WDR74: variants seen among roughly 807,000 people sequenced by gnomAD.
WDR74 encodes WD repeat-containing protein 74.
In WDR74, 31 loss-of-function variants were observed where a neutral mutation model predicts 45.6. That is an observed-to-expected ratio of 0.68 (90% CI 0.51 to 0.92). WDR74 has a LOEUF of 0.92. Among genes scored for constraint, WDR74 ranks in the 40% least tolerant of loss-of-function variants. The pLI, the probability that WDR74 is intolerant of heterozygous loss-of-function variation, is 0.00. For synonymous variants in WDR74, 191 were observed against 192.4 expected, an observed-to-expected ratio of 0.99 and a Z score of 0.06; for missense variants, 455 against 497.2, an observed-to-expected ratio of 0.92 and a Z score of 0.81.
upstream of WDR74, chr11:62,841,583 A>C (rs186444742): frequency 2.6e-5 from 4 of 152,188 alleles, no homozygotes; most frequent in East Asian, 3.9e-4. Context: ...ACTGATCGAA[A>C]TCTTCCATTA....
At position 62,839,461 on chromosome 11, in the gene WDR74, CG is replaced by C. The variant is rs1328116125; in HGVS notation, c.65-34del. The stretch of plus-strand genomic sequence containing the variant: ...ACGAAGGCGTCAGTCACGCCAGGGG[CG>C]CGAGTGCACCCCTGCACTTCCCGAC... On this transcript the variant is annotated intron_variant, in intron 1 of 10. Coordinates refer to ENST00000278856, the MANE Select transcript of WDR74 (RefSeq NM_001369450.1). 3.7e-6 allele frequency: 6 copies of C among 1,613,314 alleles called. No individual in the cohort carries two copies. The African/African-American group carries it at 8.0e-5, about 22-fold the overall frequency.
upstream of WDR74, chr11:62,841,676 G>T (rs557339235): frequency 3.3e-5 from 5 of 152,068 alleles, no homozygotes; most frequent in Non-Finnish European, 7.4e-5. Context: ...GGAGTGGACG[G>T]AGCAAGCTCC....
chr11:62,839,611 C>T (rs1461034008), upstream of WDR74: 1 of 1,565,042 alleles, frequency 6.4e-7, no homozygotes, highest in East Asian at 2.3e-5. Flanking sequence ...TCCGGCGCAG[C>T]GTGTGCGTCA....
chr11:62,841,705 C>A (rs1053375034), upstream of WDR74: 1 of 152,276 alleles, frequency 6.6e-6, no homozygotes, highest in Non-Finnish European at 1.5e-5. Context: ...CTCCTATTTC[C>A]AAAAATCCAT....
chr11:62,841,274 GCCATTGCAC>G (rs1460193866), upstream of WDR74, among the ~76,000 whole-genome samples: 21 of 152,248 alleles, frequency 1.4e-4, no homozygotes, highest in African/African-American at 4.8e-4. Flanking sequence ...CTGAGATCAT[GCCATTGCAC>G]TCTAGCCTGG....
At chr11:62,834,590 G>T in intron 6 of WDR74, 63 bp from the exon 7 acceptor site, 2 of 1,419,780 alleles carry the variant, frequency 1.4e-6, no homozygotes, top group Middle Eastern at 1.8e-4. Flanking sequence ...TGGCGTCTCT[G>T]CATCCTCACC....
intron 3 of WDR74, among the ~76,000 whole-genome samples, chr11:62,837,528 A>C (rs1228056246): frequency 1.3e-5 from 2 of 151,354 alleles, no homozygotes; most frequent in East Asian, 1.9e-4. Context: ...AAAAAAAAAA[A>C]CGCTTCCTTG....
intron 7 of WDR74, 38 bp downstream of exon 7, chr11:62,834,389 A>AG: frequency 1.3e-6 from 2 of 1,592,116 alleles, no homozygotes; most frequent in Non-Finnish European, 8.6e-7. Flanking sequence ...GCCCTTCTCA[A>AG]GCCCCACCCT....
chr11:62,840,256 G>A (rs1354525546), upstream of WDR74: 2 of 152,402 alleles, frequency 1.3e-5, no homozygotes, highest in Non-Finnish European at 2.9e-5. Flanking sequence ...GAGGCGGGCG[G>A]ATCATGAGGT....
At chr11:62,841,707 A>G (rs967044492), upstream of WDR74, 4 of 152,246 alleles carry the variant, frequency 2.6e-5, no homozygotes, top group Non-Finnish European at 1.5e-5. Context: ...CCTATTTCCA[A>G]AAATCCATTT....
chr11:62,839,739 TA>T, upstream of WDR74: 1 of 801,570 alleles, frequency 1.2e-6, no homozygotes, highest in African/African-American at 1.7e-5. Flanking sequence ...GGTGCTTGTT[TA>T]TGTAGATCGG....
intron 10 of WDR74, among the ~76,000 whole-genome samples, 167 bp from the exon 11 acceptor site, chr11:62,833,298 A>T (rs2084902814): frequency 1.6e-5 from 2 of 127,884 alleles, no homozygotes; most frequent in African/African-American, 3.4e-5. Context: ...AAGAAGTTTA[A>T]AAAAAAAAAA....
At chr11:62,835,596 C>T (rs762821249) in intron 5 of WDR74, 64 bp from the exon 6 acceptor site, 1 of 1,613,136 alleles carries the variant, frequency 6.2e-7, no homozygotes, top group South Asian at 1.1e-5. Context: ...GTTTTCAGCC[C>T]TCCTTCGCCC....
intron 10 of WDR74, 68 bp downstream of exon 10, chr11:62,833,550 T>C: frequency 6.5e-7 from 1 of 1,529,566 alleles, no homozygotes; most frequent in South Asian, 1.2e-5. Flanking sequence ...CTGCCTCCTT[T>C]TCCTCTCCAT....
At chr11:62,838,659 G>A (rs2084995099) in intron 3 of WDR74, among the ~76,000 whole-genome samples, 1 of 151,748 alleles carries the variant, frequency 6.6e-6, no homozygotes, top group Admixed American at 6.6e-5. Flanking sequence ...TTGGGAGGCT[G>A]AGGCAGGAGT....
upstream of WDR74, chr11:62,839,807 T>G (rs2085021410): frequency 1.7e-6 from 1 of 579,360 alleles, no homozygotes. Flanking sequence ...CTGGACTGCG[T>G]GGCCGGATCA....
intron 10 of WDR74, 94 bp downstream of exon 10, chr11:62,833,524 C>T (rs1243767773): frequency 2.8e-6 from 4 of 1,431,910 alleles, no homozygotes; most frequent in East Asian, 5.0e-5. Context: ...CAGATAGTCC[C>T]AAGTCTGCAT....
At chr11:62,835,627 A>T in intron 5 of WDR74, 68 bp downstream of exon 5, 1 of 1,613,560 alleles carries the variant, frequency 6.2e-7, no homozygotes, top group Non-Finnish European at 8.5e-7. Context: ...TCTAGTCTCT[A>T]ATGCATCGTC....
At position 62,839,566 on chromosome 11, in the gene WDR74, G is replaced by T. The variant is rs545160528; in HGVS notation, c.5C>A (p.Ala2Glu). The T allele has an allele frequency of 8.1e-6, 13 of 1,609,566 alleles. No individual in the cohort carries two copies. In the East Asian group the frequency reaches 2.5e-4, roughly 30 times the overall value. Residue 2 changes from alanine to glutamate, a missense_variant, in exon 1 of 11, where the codon GCG (alanine) becomes GAG (glutamate). Physicochemically the swap from Ala to Glu is moderately radical, Grantham distance 107. Transcript: ENST00000278856. Reference sequence around the variant, plus strand: ...ATGGTTCCAGCGTGCAGCAGCAGCCGCCATGACAAAGCCTGGAGGCAGACA... The same window carrying T: ...ATGGTTCCAGCGTGCAGCAGCAGCCTCCATGACAAAGCCTGGAGGCAGACA... M[A>E]AAAARWNHVW...
Sources: allele counts gnomAD v4.1 joint callset (sites outside exome capture counted in the v4.1 genomes callset), GRCh38; gene constraint gnomAD v4.1.1; transcripts MANE v1.5; gene names NCBI Gene and HGNC (gene_info 2026-07-23, HGNC 2026-07-21).